ANKIB1: variants seen among roughly 807,000 people sequenced by gnomAD.
ANKIB1 encodes the protein ankyrin repeat and IBR domain containing 1.
In ANKIB1, 43 loss-of-function variants were observed where a neutral mutation model predicts 122.1. The observed-to-expected ratio is 0.35, with a 90% CI of 0.28 to 0.45. ANKIB1 has a LOEUF of 0.45. Ranked by LOEUF, ANKIB1 falls within the 20% of genes least tolerant of loss-of-function variation. The pLI, the probability that ANKIB1 is intolerant of heterozygous loss-of-function variation, is 1.00. For missense variants in ANKIB1, 992 were observed against 1,329.5 expected (o/e 0.75, Z 3.95); for synonymous variants, 390 against 442.0 (o/e 0.88, Z 1.48).
At chr7:92,382,281 A>G (rs1804533892) in intron 11 of ANKIB1, among the ~76,000 whole-genome samples, 1 of 152,196 alleles carries the variant, frequency 6.6e-6, no homozygotes, top group Non-Finnish European at 1.5e-5. Flanking sequence ...CTCCCACACA[A>G]TAATAATGGG....
chr7:92,264,162 T>G (rs975362380), intron 1 of ANKIB1, among the ~76,000 whole-genome samples: 4 of 136,060 alleles, frequency 2.9e-5, no homozygotes, highest in African/African-American at 1.0e-4. Flanking sequence ...TTCGTCGTCG[T>G]TTTTTTTTTT....
chr7:92,377,615 A>G (rs4727273), intron 11 of ANKIB1, among the ~76,000 whole-genome samples: 14,533 of 152,260 alleles, frequency 0.095, 902 homozygotes, highest in East Asian at 0.36. Flanking sequence ...AGCAAAGTGC[A>G]ATGAAACAAG....
At chr7:92,295,234 A>G in intron 2 of ANKIB1, 68 bp downstream of exon 2, 1 of 1,187,144 alleles carries the variant, frequency 8.4e-7, no homozygotes, top group Non-Finnish European at 1.1e-6. Context: ...AAAGTGGTGA[A>G]AAAAAAGGAA....
intron 19 of ANKIB1, 56 bp from the exon 20 acceptor site, chr7:92,398,156 T>G (rs984004330): frequency 2.0e-6 from 3 of 1,508,108 alleles, no homozygotes; most frequent in African/African-American, 2.8e-5. Context: ...CCTGATTGAG[T>G]TAAATCAGTT....
chr7:92,347,875 G>A (rs950500612), intron 7 of ANKIB1: 14 of 291,756 alleles, frequency 4.8e-5, no homozygotes, highest in South Asian at 4.2e-4. Flanking sequence ...CTTAACGTAT[G>A]TAAAGTGCTT....
chr7:92,256,378 G>A (rs4729026), intron 1 of ANKIB1, among the ~76,000 whole-genome samples: 14,790 of 152,086 alleles, frequency 0.097, 926 homozygotes, highest in East Asian at 0.36. Flanking sequence ...GTTGGGGGTG[G>A]GATCTGGAAG....
At chr7:92,340,869 AC>A (rs1401716058) in intron 5 of ANKIB1, among the ~76,000 whole-genome samples, 1 of 152,252 alleles carries the variant, frequency 6.6e-6, no homozygotes. Flanking sequence ...AACACATCAA[AC>A]AATGTTTGAA....
At chr7:92,259,173 C>G (rs1801510120) in intron 1 of ANKIB1, among the ~76,000 whole-genome samples, 1 of 152,128 alleles carries the variant, frequency 6.6e-6, no homozygotes, top group African/African-American at 2.4e-5. Flanking sequence ...CCAGGCTGGT[C>G]TCGGACTCTT....
chr7:92,292,650 T>C (rs1802274463), intron 1 of ANKIB1, among the ~76,000 whole-genome samples: 1 of 152,254 alleles, frequency 6.6e-6, no homozygotes, highest in South Asian at 2.1e-4. Flanking sequence ...AGAGAAGGAT[T>C]TGCTCCTCTT....
intron 7 of ANKIB1, among the ~76,000 whole-genome samples, chr7:92,347,365 A>G (rs1466549995): frequency 6.6e-6 from 1 of 152,134 alleles, no homozygotes; most frequent in African/African-American, 2.4e-5. Flanking sequence ...GTAGCCCAAG[A>G]CAGTTCTTCT....
rs1248936458 is a variant in ANKIB1 at position 92,351,648 on chromosome 7, T to TA, written c.1230+556dup. 2.0e-5 allele frequency among the ~76,000 whole-genome samples: 3 copies of TA among 152,164 alleles called. No individual in the cohort carries two copies. The East Asian group carries it at 5.8e-4, about 29-fold the overall frequency. ...CGTGTGTGATTTAAAAGTTACATTT[T>TA]AACTGCTTTGTGCAGATTTTACTGA... On this transcript the variant is annotated intron_variant, in intron 8 of 19. Transcript: ENST00000265742.
At chr7:92,264,370 ATCAATCTT>A (rs919593831) in intron 1 of ANKIB1, among the ~76,000 whole-genome samples, 6 of 152,004 alleles carry the variant, frequency 3.9e-5, no homozygotes, top group Admixed American at 6.6e-5. Context: ...ATTTTCAGGA[ATCAATCTT>A]TCATTTGTCA....
At chr7:92,326,048 G>A (rs929724964) in intron 4 of ANKIB1, 5 of 382,016 alleles carry the variant, frequency 1.3e-5, no homozygotes, top group Admixed American at 6.5e-5. Flanking sequence ...GAAAAGTAGT[G>A]CCCACTTGGG....
intron 1 of ANKIB1, among the ~76,000 whole-genome samples, chr7:92,290,407 T>TG (rs1245585395): frequency 7.1e-6 from 1 of 140,922 alleles, no homozygotes; most frequent in Non-Finnish European, 1.5e-5. Flanking sequence ...GTGTGTGTAT[T>TG]GGGACCTGCT....
intron 1 of ANKIB1, among the ~76,000 whole-genome samples, chr7:92,263,950 A>G (rs1344209977): frequency 6.6e-6 from 1 of 152,166 alleles, no homozygotes; most frequent in African/African-American, 2.4e-5. Flanking sequence ...AAAGAGGTAT[A>G]AAACCATTGC....
At chr7:92,305,148 C>T (rs1181456195) in intron 2 of ANKIB1, among the ~76,000 whole-genome samples, 1 of 151,896 alleles carries the variant, frequency 6.6e-6, no homozygotes, top group African/African-American at 2.4e-5. Context: ...ATAGATTTTT[C>T]TTTATTTCCC....
chr7:92,345,566 G>A (rs771247322), intron 7 of ANKIB1, among the ~76,000 whole-genome samples: 3 of 152,162 alleles, frequency 2.0e-5, no homozygotes, highest in Non-Finnish European at 2.9e-5. Flanking sequence ...TTTGCTTCTT[G>A]TGTTTATCTC....
At chr7:92,276,235 A>C (rs377470451) in intron 1 of ANKIB1, among the ~76,000 whole-genome samples, 6 of 152,230 alleles carry the variant, frequency 3.9e-5, no homozygotes, top group Non-Finnish European at 7.3e-5. Context: ...AAATTATTCT[A>C]CAGAACAATT....
intron 4 of ANKIB1, among the ~76,000 whole-genome samples, chr7:92,325,733 T>C (rs1018486122): frequency 3.3e-5 from 5 of 152,202 alleles, no homozygotes; most frequent in Admixed American, 2.6e-4. Flanking sequence ...ATAACTTCTT[T>C]ATGTGACAGC....
Sources: gnomAD v4.1 joint callset for allele counts (sites outside exome capture counted in the v4.1 genomes callset) on GRCh38, gnomAD v4.1.1 for gene constraint, MANE v1.5 for transcripts, NCBI Gene and HGNC (gene_info 2026-07-23, HGNC 2026-07-21) for gene names.